The following CTNNA3 variants were observed in gnomAD, a reference collection of about 807,000 sequenced individuals.
The protein encoded by CTNNA3 is catenin alpha 3.
In CTNNA3, 76 loss-of-function variants were observed where a neutral mutation model predicts 95.7. The observed-to-expected ratio is 0.79, with a 90% CI of 0.66 to 0.96. The LOEUF (loss-of-function observed/expected upper bound fraction) is 0.96, where lower values mean the gene tolerates loss of function less well. Among genes scored for constraint, CTNNA3 ranks in the 40% least tolerant of loss-of-function variants. The pLI, the probability that CTNNA3 is intolerant of heterozygous loss-of-function variation, is 0.00. For synonymous variants in CTNNA3, 431 were observed against 374.4 expected, an observed-to-expected ratio of 1.15 and a Z score of -1.74; for missense variants, 1,191 against 1,089.8, an observed-to-expected ratio of 1.09 and a Z score of -1.31.
At chr10:67,725,767 A>T (rs1481106196) in intron 1 of CTNNA3, among the ~76,000 whole-genome samples, 2 of 151,604 alleles carry the variant, frequency 1.3e-5, no homozygotes, top group African/African-American at 4.8e-5. Context: ...AGAAAAGGCA[A>T]AAGGCTTAAG....
chr10:66,727,511 G>A (rs576107282), intron 9 of CTNNA3, among the ~76,000 whole-genome samples: 1 of 152,006 alleles, frequency 6.6e-6, no homozygotes, highest in South Asian at 2.1e-4. Flanking sequence ...ACTTTCAGAG[G>A]ATACTATGAT....
At chr10:66,968,709 T>C (rs1457611924) in intron 7 of CTNNA3, among the ~76,000 whole-genome samples, 2 of 152,040 alleles carry the variant, frequency 1.3e-5, no homozygotes, top group Non-Finnish European at 2.9e-5. Flanking sequence ...ACATTTTTAA[T>C]AGGTTAAATT....
chr10:66,604,788 CAA>C (rs56886409), intron 10 of CTNNA3, among the ~76,000 whole-genome samples: 6 of 135,948 alleles, frequency 4.4e-5, no homozygotes, highest in Non-Finnish European at 3.2e-5. Flanking sequence ...AGGATAAAAG[CAA>C]AAAAAAAAAA....
rs1397227729 is a variant in CTNNA3 at position 67,720,125 on chromosome 10, C to G, written c.-2+43309G>C. On this transcript the variant is annotated intron_variant, in intron 1 of 17. Coordinates refer to the CTNNA3 transcript ENST00000684154. ...TTTATCAGAGACTAGGATTGCAACC[C>G]CTGCTTTTTTTTTTTTTTTTTTTTT... 9.0e-4 allele frequency among the ~76,000 whole-genome samples: 5 copies of G among 5,528 alleles called. No individual in the cohort carries two copies. In the Admixed American group the frequency reaches 9.7e-3, roughly 11 times the overall value. The allele number at this position is 5,528 out of a possible 152,430, so 3.6% of individuals were successfully genotyped here.
chr10:66,871,327 G>A (rs1388041852), intron 7 of CTNNA3, among the ~76,000 whole-genome samples: 1 of 152,100 alleles, frequency 6.6e-6, no homozygotes, highest in Non-Finnish European at 1.5e-5. Flanking sequence ...GGGAGGCTAA[G>A]GCTGGAGGAT....
At chr10:65,997,962 C>T (rs1199861220) in intron 15 of CTNNA3, among the ~76,000 whole-genome samples, 2 of 152,070 alleles carry the variant, frequency 1.3e-5, no homozygotes, top group African/African-American at 4.8e-5. Context: ...TTGCGGCGAG[C>T]CAAGATCATG....
chr10:67,504,576 T>C (rs369333780), intron 5 of CTNNA3, among the ~76,000 whole-genome samples: 3 of 151,652 alleles, frequency 2.0e-5, no homozygotes, highest in East Asian at 3.9e-4. Flanking sequence ...GAAAAATGCA[T>C]AGTGACTGAT....
At chr10:66,942,353 G>A (rs1185518645) in intron 7 of CTNNA3, among the ~76,000 whole-genome samples, 3 of 152,092 alleles carry the variant, frequency 2.0e-5, no homozygotes, top group Admixed American at 6.5e-5. Context: ...TTGCAAGCCC[G>A]TTATTAATAT....
chr10:67,460,312 G>A (rs1333245693), intron 5 of CTNNA3, among the ~76,000 whole-genome samples: 2 of 152,138 alleles, frequency 1.3e-5, no homozygotes, highest in East Asian at 3.8e-4. Flanking sequence ...CCCTGGGTGT[G>A]GAAACCAGTT....
chr10:66,647,332 A>C (rs1256623593), intron 9 of CTNNA3, among the ~76,000 whole-genome samples: 2 of 152,138 alleles, frequency 1.3e-5, no homozygotes, highest in Admixed American at 6.6e-5. Flanking sequence ...AAACCAAAAA[A>C]TCAAAATACA....
intron 7 of CTNNA3, among the ~76,000 whole-genome samples, chr10:67,047,127 T>C (rs905623640): frequency 2.6e-5 from 4 of 152,214 alleles, no homozygotes; most frequent in African/African-American, 9.6e-5. Context: ...GACAGTACAC[T>C]TATCTTCTCC....
chr10:67,150,951 T>C (rs1239119809), intron 7 of CTNNA3, among the ~76,000 whole-genome samples: 2 of 151,948 alleles, frequency 1.3e-5, no homozygotes. Context: ...GTAAGAGGTA[T>C]GTCCCCACCC....
chr10:67,712,097 C>T (rs1023597645), intron 1 of CTNNA3, among the ~76,000 whole-genome samples: 1 of 152,122 alleles, frequency 6.6e-6, no homozygotes, highest in Non-Finnish European at 1.5e-5. Context: ...ATGTTTATTG[C>T]AGCATTATTC....
At chr10:66,924,867 G>A (rs1303431711) in intron 7 of CTNNA3, among the ~76,000 whole-genome samples, 7 of 152,084 alleles carry the variant, frequency 4.6e-5, no homozygotes, top group South Asian at 2.1e-4. Flanking sequence ...GGTAAGTAAC[G>A]CGCTTAAGGT....
intron 11 of CTNNA3, among the ~76,000 whole-genome samples, chr10:66,433,657 A>G (rs1301820976): frequency 6.6e-6 from 1 of 152,098 alleles, no homozygotes; most frequent in Non-Finnish European, 1.5e-5. Flanking sequence ...ATTAGATCCC[A>G]TTTGTCAATT....
intron 13 of CTNNA3, among the ~76,000 whole-genome samples, chr10:66,145,779 A>G (rs572172483): frequency 6.6e-6 from 1 of 152,256 alleles, no homozygotes; most frequent in South Asian, 2.1e-4. Flanking sequence ...CTGCTTATTC[A>G]TAGATACACA....
intron 13 of CTNNA3, among the ~76,000 whole-genome samples, chr10:66,124,121 T>C (rs1422882779): frequency 3.9e-5 from 6 of 152,074 alleles, no homozygotes; most frequent in Non-Finnish European, 8.8e-5. Flanking sequence ...TGAACTTTTA[T>C]GCTCTGCTTC....
At chr10:67,700,923 G>A (rs1371884138), upstream of CTNNA3, among the ~76,000 whole-genome samples, 1 of 152,192 alleles carries the variant, frequency 6.6e-6, no homozygotes, top group Non-Finnish European at 1.5e-5. Context: ...ATACAGAGAA[G>A]TGCTTAAAGG....
chr10:66,467,651 T>A (rs1374657915), intron 11 of CTNNA3, among the ~76,000 whole-genome samples: 2 of 152,032 alleles, frequency 1.3e-5, no homozygotes, highest in African/African-American at 2.4e-5. Context: ...ATGTGTGATA[T>A]CAGATTACTA....
Sources: gnomAD v4.1 joint callset for allele counts (sites outside exome capture counted in the v4.1 genomes callset) on GRCh38, gnomAD v4.1.1 for gene constraint, MANE v1.5 for transcripts, NCBI Gene and HGNC (gene_info 2026-07-23, HGNC 2026-07-21) for gene names.